ST3GAL6: variants seen among roughly 807,000 people sequenced by gnomAD.
ST3GAL6 encodes the protein ST3 beta-galactoside alpha-2,3-sialyltransferase 6.
A neutral mutation model predicts 40.5 loss-of-function variants in ST3GAL6; 31 were observed. The ratio of observed to expected loss-of-function variants is 0.77; its 90% CI spans 0.58 to 1.03. ST3GAL6 has a LOEUF of 1.03. ST3GAL6 is among the 50% of genes least tolerant of loss of function. The pLI is 0.00. For synonymous variants in ST3GAL6, 129 were observed against 136.9 expected (o/e 0.94, Z 0.40); for missense variants, 357 against 393.2 (o/e 0.91, Z 0.78).
At chr3:98,778,296 G>C (rs899475728) in intron 5 of ST3GAL6, among the ~76,000 whole-genome samples, 1 of 152,208 alleles carries the variant, frequency 6.6e-6, no homozygotes, top group Admixed American at 6.5e-5. Context: ...GCAAAGCTGG[G>C]TTAGATTGAC....
chr3:98,794,408 T>C lies in ST3GAL6; in HGVS notation c.*647T>C, dbSNP rs890799332. On this transcript the variant is annotated 3_prime_UTR_variant, in exon 10 of 10. Coordinates refer to ENST00000483910, the MANE Select transcript of ST3GAL6 (RefSeq NM_001323368.2). ...CAATTACTAAACTCTGATGGCTTTG[T>C]ATTATTTTAAAGAAATGAAGTTTAA... 2.7e-5 allele frequency: 4 copies of C among 146,334 alleles called. No homozygotes were observed. The highest frequency in any genetic ancestry group is 1.0e-4 in the African/African-American group (4 of 39,192). 9.1% of individuals were successfully genotyped at this position (146,334 alleles called of 1,614,324 possible).
At chr3:98,741,049 TCA>T (rs1491055416) in intron 1 of ST3GAL6, among the ~76,000 whole-genome samples, 1 of 123,774 alleles carries the variant, frequency 8.1e-6, no homozygotes, top group Non-Finnish European at 1.7e-5. Context: ...GTAGAGGGAT[TCA>T]GTGTGTGTGT....
chr3:98,744,198 G>A (rs1936364720), intron 1 of ST3GAL6, among the ~76,000 whole-genome samples: 1 of 152,180 alleles, frequency 6.6e-6, no homozygotes, highest in Non-Finnish European at 1.5e-5. Flanking sequence ...GTTTTCAGAG[G>A]GAGCATGGCC....
At chr3:98,767,464 T>A (rs1162839272) in intron 1 of ST3GAL6, among the ~76,000 whole-genome samples, 1 of 152,178 alleles carries the variant, frequency 6.6e-6, no homozygotes, top group Non-Finnish European at 1.5e-5. Flanking sequence ...ATCGCCATGA[T>A]TGAGGTTAAT....
intron 2 of ST3GAL6, among the ~76,000 whole-genome samples, chr3:98,769,379 G>A (rs1012438092): frequency 2.6e-5 from 4 of 152,154 alleles, no homozygotes; most frequent in African/African-American, 9.7e-5. Context: ...AAAGTTTTAG[G>A]CTTTGGACCC....
chr3:98,774,329 T>C (rs1194941362), intron 5 of ST3GAL6, among the ~76,000 whole-genome samples: 1 of 152,230 alleles, frequency 6.6e-6, no homozygotes, highest in Non-Finnish European at 1.5e-5. Flanking sequence ...CTGTTTCCCA[T>C]ACTTTTCCAT....
chr3:98,747,379 G>C (rs1936641433), intron 1 of ST3GAL6, among the ~76,000 whole-genome samples: 1 of 152,068 alleles, frequency 6.6e-6, no homozygotes, highest in Admixed American at 6.6e-5. Context: ...GGTATCTTCG[G>C]ATGACTTGAG....
At chr3:98,791,792 A>G in intron 8 of ST3GAL6, 49 bp from the exon 9 acceptor site, 11 of 1,543,784 alleles carry the variant, frequency 7.1e-6, no homozygotes, top group Middle Eastern at 1.7e-4. Context: ...TGCTTTGGTA[A>G]CAAGTAGCTC....
chr3:98,739,388 CA>C (rs371291503), intron 1 of ST3GAL6, among the ~76,000 whole-genome samples: 511 of 125,988 alleles, frequency 4.1e-3, no homozygotes, highest in Non-Finnish European at 7.0e-3. Context: ...AACAAACAAA[CA>C]AAAAAAAAAC....
At position 98,768,505 on chromosome 3, in the gene ST3GAL6, T is replaced by C; in HGVS notation, c.65T>C (p.Ile22Thr). Residue 22 changes from isoleucine to threonine, a missense_variant, in exon 2 of 10, where the codon ATA becomes ACA. By Grantham distance (89) the Ile-to-Thr change is moderately conservative (BLOSUM62 -1). Coordinates refer to ENST00000483910, the MANE Select transcript of ST3GAL6 (RefSeq NM_001323368.2). The stretch of plus-strand genomic sequence containing the variant: ...TTCCTCTATTATGTACTGCATTGCA[T>C]ATTATGGGGAACGAATGTCTATTGG... Reference protein sequence around the residue: ...AVFLYYVLHCILWGTNVYWVA... With the variant: ...AVFLYYVLHCTLWGTNVYWVA... 6.2e-7 allele frequency: 1 copy of C among 1,612,830 alleles called. No individual in the cohort carries two copies.
chr3:98,753,791 C>A (rs1475540981), intron 1 of ST3GAL6, among the ~76,000 whole-genome samples: 2 of 152,122 alleles, frequency 1.3e-5, no homozygotes, highest in African/African-American at 4.8e-5. Flanking sequence ...TAGGGAGAAC[C>A]CATCTATTAA....
At chr3:98,741,459 G>A (rs1045133948) in intron 1 of ST3GAL6, among the ~76,000 whole-genome samples, 2 of 151,968 alleles carry the variant, frequency 1.3e-5, no homozygotes, top group African/African-American at 4.8e-5. Flanking sequence ...AGAACATTCC[G>A]GGCAGCAGGA....
intron 1 of ST3GAL6, chr3:98,733,475 G>C: frequency 1.0e-6 from 1 of 989,202 alleles, no homozygotes; most frequent in Non-Finnish European, 1.2e-6. Context: ...GGGTTGAGGG[G>C]TCTGGAAGGT....
chr3:98,792,210 T>C (rs543001396), intron 9 of ST3GAL6, among the ~76,000 whole-genome samples: 6 of 152,340 alleles, frequency 3.9e-5, no homozygotes, highest in African/African-American at 1.4e-4. Flanking sequence ...ATGGGCCTCA[T>C]GGTTATTGCC....
chr3:98,750,563 CTTT>C (rs34993293), intron 1 of ST3GAL6, among the ~76,000 whole-genome samples: 1 of 143,080 alleles, frequency 7.0e-6, no homozygotes. Context: ...CACTGGCATT[CTTT>C]TTTTTTTTTT....
intron 1 of ST3GAL6, among the ~76,000 whole-genome samples, chr3:98,737,335 G>A (rs193013060): frequency 1.3e-4 from 20 of 152,308 alleles, no homozygotes; most frequent in Admixed American, 1.1e-3. Context: ...ACAGGCGTGA[G>A]CCACCACACG....
chr3:98,738,591 T>C (rs1489163437), intron 1 of ST3GAL6, among the ~76,000 whole-genome samples: 6 of 152,224 alleles, frequency 3.9e-5, no homozygotes, highest in Non-Finnish European at 5.9e-5. Context: ...GGTATTTCTT[T>C]ATAGCAGTGT....
chr3:98,781,473 A>T (rs1940118148), intron 5 of ST3GAL6, among the ~76,000 whole-genome samples: 1 of 120,466 alleles, frequency 8.3e-6, no homozygotes, highest in Non-Finnish European at 1.9e-5. Flanking sequence ...AACTTAAAGT[A>T]TAAAAAAAAA....
intron 1 of ST3GAL6, among the ~76,000 whole-genome samples, chr3:98,735,029 A>G (rs1316235263): frequency 6.6e-6 from 1 of 152,162 alleles, no homozygotes; most frequent in East Asian, 1.9e-4. Flanking sequence ...TTTAGTATGC[A>G]TTTTAGGTGA....
Sources: allele counts gnomAD v4.1 joint callset (sites outside exome capture counted in the v4.1 genomes callset), GRCh38; gene constraint gnomAD v4.1.1; transcripts MANE v1.5; gene names NCBI Gene and HGNC (gene_info 2026-07-23, HGNC 2026-07-21).